Variants in CEP128 observed in about 807,000 individuals in gnomAD.
CEP128 encodes the protein centrosomal protein 128kDa.
In CEP128, 132 loss-of-function variants were observed where a neutral mutation model predicts 156.7. That is an observed-to-expected ratio of 0.84 (90% confidence interval 0.73 to 0.97). CEP128 has a LOEUF of 0.97. CEP128 is among the 50% of genes least tolerant of loss of function. CEP128 has a pLI of 0.00. For missense variants in CEP128, 1,252 were observed against 1,281.9 expected (o/e 0.98, Z 0.36); for synonymous variants, 469 against 448.9 (o/e 1.04, Z -0.57).
At chr14:80,827,223 A>G (rs567447617) in intron 13 of CEP128, among the ~76,000 whole-genome samples, 1 of 152,346 alleles carries the variant, frequency 6.6e-6, no homozygotes, top group South Asian at 2.1e-4. Flanking sequence ...GATAGCAAAT[A>G]TTAGTTTAAA....
At chr14:80,518,443 C>G (rs191992692) in intron 23 of CEP128, among the ~76,000 whole-genome samples, 2 of 152,144 alleles carry the variant, frequency 1.3e-5, no homozygotes, top group African/African-American at 2.4e-5. Flanking sequence ...GTGTAATTAG[C>G]TGTTGTTGGG....
At chr14:80,911,237 G>A (rs1202355881) in intron 4 of CEP128, among the ~76,000 whole-genome samples, 4 of 152,214 alleles carry the variant, frequency 2.6e-5, no homozygotes, top group Non-Finnish European at 5.9e-5. Context: ...GGTAGCTCAC[G>A]CCTATAATCC....
At position 80,761,579 on chromosome 14, in the gene CEP128, C is replaced by T. The variant is rs761775653; in HGVS notation, c.2411G>A (p.Arg804Lys). ...KHISIEEEHL[R>K]RMEEARLQLK... ...CTGCAATCTGGCCTCTTCCATCCTC[C>T]TTAAGTGCTCCTCTTCAATGCTTAT... Residue 804 changes from arginine (R) to lysine (K), a missense_variant, in exon 17 of 25, where the codon AGG becomes AAG. Arg to Lys is a conservative substitution (Grantham distance 26). Transcript: ENST00000555265. 3.1e-6 allele frequency: 5 copies of T among 1,609,838 alleles called. No homozygotes were observed. In the African/African-American group the frequency reaches 5.3e-5, roughly 17 times the overall value.
At chr14:80,678,118 C>A (rs1480691672) in intron 19 of CEP128, among the ~76,000 whole-genome samples, 1 of 147,438 alleles carries the variant, frequency 6.8e-6, no homozygotes, top group African/African-American at 2.6e-5. Context: ...TTAGGAAGAA[C>A]TGCCCATCTG....
At chr14:80,519,676 T>TA (rs1888647823) in intron 23 of CEP128, among the ~76,000 whole-genome samples, 1 of 152,208 alleles carries the variant, frequency 6.6e-6, no homozygotes, top group South Asian at 2.1e-4. Flanking sequence ...ATGTTTTACT[T>TA]AAAGTCTGCC....
chr14:80,587,366 C>A (rs1891863042), intron 19 of CEP128, among the ~76,000 whole-genome samples: 1 of 152,162 alleles, frequency 6.6e-6, no homozygotes, highest in African/African-American at 2.4e-5. Flanking sequence ...AAACAACATG[C>A]TGGTCTACAG....
rs137871154 is a variant in CEP128, at chr14:80,924,508, C to T, written c.-15-7946G>A. On this transcript the variant is annotated intron_variant, in intron 2 of 24. Transcript: ENST00000555265. ...GAAGGACATTTAAGTGTATTATAAA[C>T]GGTGAGCTAAGTAATACAACAAAAT... Among the ~76,000 whole-genome samples the T allele has an allele frequency of 1.6e-4, 25 of 152,186 alleles. No individual in the cohort carries two copies. The East Asian group carries it at 3.5e-3, about 21-fold the overall frequency.
intron 19 of CEP128, among the ~76,000 whole-genome samples, chr14:80,741,124 TAAAAAA>T (rs141621175): frequency 0.059 from 9,007 of 152,150 alleles, 281 homozygotes; most frequent in Middle Eastern, 0.11. Context: ...GTCACCTGTT[TAAAAAA>T]GAGTCACTAT....
intron 18 of CEP128, among the ~76,000 whole-genome samples, chr14:80,747,070 G>C (rs946051218): frequency 6.6e-6 from 1 of 152,194 alleles, no homozygotes; most frequent in Admixed American, 6.6e-5. Context: ...AAATCAAAAA[G>C]ACAGATAATA....
intron 19 of CEP128, among the ~76,000 whole-genome samples, chr14:80,592,663 T>C (rs1197209254): frequency 1.3e-5 from 2 of 152,194 alleles, no homozygotes; most frequent in African/African-American, 2.4e-5. Context: ...GCCAGCACCA[T>C]CCTGATACGA....
chr14:80,868,380 A>C lies in CEP128; in HGVS notation c.646-5507T>G, dbSNP rs372757530. 4.7e-4 allele frequency among the ~76,000 whole-genome samples: 72 copies of C among 152,228 alleles called. 3 individuals are homozygous for C. The South Asian group carries it at 0.015, about 31-fold the overall frequency. ...TGTAACATCAATAATGTAAAATGGGAGGGGAAGTTAAGTGTAGACTCTGTA... is the reference window on the plus strand; with the variant it reads ...TGTAACATCAATAATGTAAAATGGGCGGGGAAGTTAAGTGTAGACTCTGTA... On this transcript the variant is annotated intron_variant, in intron 8 of 24. Transcript: ENST00000555265.
At chr14:80,626,337 G>A (rs1033037554) in intron 19 of CEP128, among the ~76,000 whole-genome samples, 10 of 151,488 alleles carry the variant, frequency 6.6e-5, no homozygotes, top group South Asian at 2.1e-4. Context: ...GGTGGCGGGC[G>A]CCTGTAGTCC....
intron 19 of CEP128, among the ~76,000 whole-genome samples, chr14:80,631,126 A>G (rs1239768831): frequency 1.3e-5 from 2 of 152,040 alleles, no homozygotes; most frequent in African/African-American, 4.8e-5. Flanking sequence ...GTTATTCATA[A>G]TAACATGATT....
intron 2 of CEP128, among the ~76,000 whole-genome samples, chr14:80,923,000 C>T (rs1293881004): frequency 1.3e-5 from 2 of 152,172 alleles, no homozygotes; most frequent in African/African-American, 2.4e-5. Context: ...ATATTTGTGC[C>T]GTCTGCTTTT....
At chr14:80,803,601 G>A (rs1252144221) in intron 13 of CEP128, among the ~76,000 whole-genome samples, 1 of 152,060 alleles carries the variant, frequency 6.6e-6, no homozygotes, top group Non-Finnish European at 1.5e-5. Flanking sequence ...ATACCAGTGT[G>A]AGTAAAGGAG....
chr14:80,523,895 T>C (rs559522630), intron 23 of CEP128, among the ~76,000 whole-genome samples: 10 of 152,350 alleles, frequency 6.6e-5, no homozygotes, highest in Middle Eastern at 3.4e-3. Flanking sequence ...GTAAATACTT[T>C]AGTCTTTGTG....
At chr14:80,684,243 T>C (rs1235632685) in intron 19 of CEP128, among the ~76,000 whole-genome samples, 3 of 151,920 alleles carry the variant, frequency 2.0e-5, no homozygotes, top group Non-Finnish European at 2.9e-5. Flanking sequence ...ATAAGCACAA[T>C]TGGAAAGGAC....
intron 2 of CEP128, among the ~76,000 whole-genome samples, chr14:80,951,390 G>C (rs1259603218): frequency 6.6e-6 from 1 of 152,088 alleles, no homozygotes; most frequent in Non-Finnish European, 1.5e-5. Context: ...CATTCAACAA[G>C]TACAGTGTTG....
chr14:80,739,647 TGATA>T (rs1303404937), intron 19 of CEP128, among the ~76,000 whole-genome samples: 30 of 152,180 alleles, frequency 2.0e-4, no homozygotes, highest in African/African-American at 7.0e-4. Context: ...TCTTTTTTTT[TGATA>T]TTTTGGTATT....
Sources: allele counts gnomAD v4.1 joint callset (sites outside exome capture counted in the v4.1 genomes callset), GRCh38; gene constraint gnomAD v4.1.1; transcripts MANE v1.5; gene names NCBI Gene and HGNC (gene_info 2026-07-23, HGNC 2026-07-21).